The following TC2N variants were observed in gnomAD, a reference collection of about 807,000 sequenced individuals.
The protein encoded by TC2N is tandem C2 domains, nuclear.
Under a neutral mutation model 61.9 loss-of-function variants are expected in TC2N, and 51 were observed. That is an observed-to-expected ratio of 0.82 (90% CI 0.66 to 1.04). The LOEUF (loss-of-function observed/expected upper bound fraction) is 1.04. TC2N is among the 50% of genes least tolerant of loss of function. TC2N has a pLI of 0.00. For missense variants in TC2N, 556 were observed against 566.7 expected (o/e 0.98, Z 0.19); for synonymous variants, 204 against 192.6 (o/e 1.06, Z -0.49).
chr14:91,797,828 G>C lies in TC2N; in HGVS notation c.812C>G (p.Pro271Arg). The change falls in exon 8 of 12, where the codon CCC (proline) becomes CGC (arginine). Residue 271 changes from proline to arginine, a missense_variant. Transcript: ENST00000435962. ...TVSIKGILTL[P>R]KPVHFKSSAK... ...TGAAGATTTGAAATGCACTGGTTTG[G>C]GCAATGTAAGTATTCCTTTTATAGA... 1 of 1,610,978 alleles carries C rather than the reference G, an allele frequency of 6.2e-7. No individual in the cohort carries two copies. Among genetic ancestry groups the C allele is most frequent in the Non-Finnish European group, 8.5e-7 (1 of 1,178,298 alleles).
intron 1 of TC2N, among the ~76,000 whole-genome samples, chr14:91,853,688 A>G (rs2139920516): frequency 8.7e-6 from 1 of 114,698 alleles, no homozygotes. Context: ...ACACACACAC[A>G]CAATCTGTGA....
intron 1 of TC2N, among the ~76,000 whole-genome samples, chr14:91,818,123 C>T (rs533428181): frequency 2.0e-5 from 3 of 152,196 alleles, no homozygotes; most frequent in African/African-American, 7.2e-5. Context: ...AGAAGATTTT[C>T]TGAAATGAAG....
At chr14:91,852,426 C>T (rs904978079) in intron 1 of TC2N, among the ~76,000 whole-genome samples, 6 of 151,516 alleles carry the variant, frequency 4.0e-5, no homozygotes, top group Non-Finnish European at 7.4e-5. Context: ...AGTGAAACTC[C>T]GTCTAAAAAA....
At chr14:91,818,794 A>G in intron 1 of TC2N, among the ~76,000 whole-genome samples, 1 of 152,306 alleles carries the variant, frequency 6.6e-6, no homozygotes, top group Non-Finnish European at 1.5e-5. Flanking sequence ...GAAAATATTA[A>G]TGAACTTGAA....
intron 3 of TC2N, among the ~76,000 whole-genome samples, chr14:91,807,743 T>C (rs140566302): frequency 3.9e-5 from 6 of 152,302 alleles, no homozygotes; most frequent in African/African-American, 1.4e-4. Flanking sequence ...CATGCTGAAA[T>C]GAGTTAAGAC....
chr14:91,859,754 T>C (rs77751978), intron 1 of TC2N, among the ~76,000 whole-genome samples: 10,413 of 152,250 alleles, frequency 0.068, 455 homozygotes, highest in Middle Eastern at 0.12. Context: ...GAGAGGCTGA[T>C]CTCTGTGGAA....
chr14:91,811,147 G>A (rs1314426665), intron 3 of TC2N, among the ~76,000 whole-genome samples: 3 of 152,082 alleles, frequency 2.0e-5, no homozygotes, highest in South Asian at 2.1e-4. Context: ...ACTGTAAAGA[G>A]ATCGTTGAAC....
chr14:91,867,007 C>A (rs1006513109), intron 1 of TC2N, among the ~76,000 whole-genome samples: 1 of 152,156 alleles, frequency 6.6e-6, no homozygotes, highest in Non-Finnish European at 1.5e-5. Flanking sequence ...GCCTCTGGTG[C>A]ATTTACACTG....
chr14:91,805,566 G>A (rs1340772421), intron 3 of TC2N, among the ~76,000 whole-genome samples: 1 of 152,126 alleles, frequency 6.6e-6, no homozygotes, highest in Non-Finnish European at 1.5e-5. Flanking sequence ...TTGGGAGGCT[G>A]AGGCAGGAGA....
rs1448888565 is a variant in TC2N at position 91,837,083 on chromosome 14, C to T, written c.-56-23258G>A. ...ATGTATCCACCACAGCACCTCACAC[C>T]CCCGATTCTATGAGGGATCCCCTCT... On this transcript the variant is annotated intron_variant, in intron 1 of 11. Coordinates refer to ENST00000435962, the MANE Select transcript of TC2N (RefSeq NM_001128596.3). This position sits in a 1 kb window ranked among gnomAD's most constrained non-coding sequence, Gnocchi z 4.2. 2.0e-5 allele frequency among the ~76,000 whole-genome samples: 3 copies of T among 152,224 alleles called. No individual in the cohort carries two copies. The highest frequency in any genetic ancestry group is 4.4e-5 in the Non-Finnish European group (3 of 68,042).
intron 10 of TC2N, among the ~76,000 whole-genome samples, chr14:91,786,935 A>G (rs1482780031): frequency 6.6e-6 from 1 of 152,050 alleles, no homozygotes; most frequent in Non-Finnish European, 1.5e-5. Flanking sequence ...TTGAATGCTC[A>G]GTTTCATTTA....
At chr14:91,786,613 T>A (rs900462151) in intron 10 of TC2N, among the ~76,000 whole-genome samples, 49 of 152,322 alleles carry the variant, frequency 3.2e-4, no homozygotes, top group African/African-American at 1.1e-3. Context: ...TCTCAGAAAG[T>A]CATTTATTTT....
In TC2N at chr14:91,823,890, A is replaced by AAAC. The variant is rs200435387; in HGVS notation, c.-56-10068_-56-10066dup. On this transcript the variant is annotated intron_variant, in intron 1 of 11. Coordinates refer to ENST00000435962, the MANE Select transcript of TC2N (RefSeq NM_001128596.3). ...ACCTTCAACTTCTTCATCAATTAAA[A>AAAC]AACAACAACAACAACAACAACAAAA... 3.1e-3 allele frequency among the ~76,000 whole-genome samples: 473 copies of AAAC among 152,276 alleles called. 19 individuals are homozygous for AAAC. The East Asian group carries it at 0.076, about 24-fold the overall frequency.
At chr14:91,797,648 T>C (rs375082703) in intron 8 of TC2N, 137 bp downstream of exon 8, 3 of 608,240 alleles carry the variant, frequency 4.9e-6, no homozygotes, top group Admixed American at 3.5e-5. Flanking sequence ...AAAGTTGCCT[T>C]GAAAAAGCAA....
chr14:91,806,206 T>G (rs929051426), intron 3 of TC2N, among the ~76,000 whole-genome samples: 1 of 152,160 alleles, frequency 6.6e-6, no homozygotes, highest in Non-Finnish European at 1.5e-5. Context: ...CCTCTTTTTC[T>G]TTATAAATTA....
chr14:91,813,158 A>C (rs183163125), intron 2 of TC2N, among the ~76,000 whole-genome samples: 1 of 151,940 alleles, frequency 6.6e-6, no homozygotes, highest in Non-Finnish European at 1.5e-5. Context: ...TAAAAGTGCC[A>C]GAGAAGAGAT....
At chr14:91,798,892 A>G in intron 6 of TC2N, 97 bp downstream of exon 6, 1 of 743,614 alleles carries the variant, frequency 1.3e-6, no homozygotes, top group East Asian at 2.8e-5. Context: ...AGTAGATACA[A>G]TCATCTAGAG....
Position 91,782,702 on chromosome 14 carries a change from TC to T in TC2N, c.*397del, listed in dbSNP as rs1336948894. The T allele has an allele frequency of 6.4e-6, 1 of 155,672 alleles. No homozygotes were observed. The highest frequency in any genetic ancestry group is 1.4e-5 in the Non-Finnish European group (1 of 70,720). The allele number at this position is 155,672 out of a possible 1,614,324, so 9.6% of individuals were successfully genotyped here. A position where few individuals can be genotyped will look rare whatever the true frequency, so the allele number is the denominator to read the frequency against. On this transcript the variant is annotated 3_prime_UTR_variant, in exon 12 of 12. Transcript: ENST00000435962. Reference sequence around the variant, plus strand: ...GCCTAGCACTGAAATAATGGTAAAGTCTTCTAAATGCCAATAGTACTAACAG... The same window carrying T: ...GCCTAGCACTGAAATAATGGTAAAGTTTCTAAATGCCAATAGTACTAACAG...
intron 1 of TC2N, among the ~76,000 whole-genome samples, chr14:91,830,925 A>G (rs1887740174): frequency 6.6e-6 from 1 of 151,998 alleles, no homozygotes; most frequent in Non-Finnish European, 1.5e-5. Context: ...TCGTGACATC[A>G]CAGCCCTTTG....
Sources: allele counts gnomAD v4.1 joint callset (sites outside exome capture counted in the v4.1 genomes callset), GRCh38; gene constraint gnomAD v4.1.1; non-coding constraint Gnocchi (gnomAD v3.1); transcripts MANE v1.5; gene names NCBI Gene and HGNC (gene_info 2026-07-23, HGNC 2026-07-21).